The following PCNP variants were observed in gnomAD, a reference collection of about 807,000 sequenced individuals.
The protein encoded by PCNP is PEST proteolytic signal containing nuclear protein, also known as PEST proteolytic signal-containing nuclear protein.
In PCNP, 6 loss-of-function variants were observed where a neutral mutation model predicts 21.8. The observed-to-expected ratio is 0.28, with a 90% CI of 0.15 to 0.54. The LOEUF is 0.54. Ranked by LOEUF, PCNP falls within the 20% of genes least tolerant of loss-of-function variation. The pLI, the probability that PCNP is intolerant of heterozygous loss-of-function variation, is 0.95. For synonymous variants in PCNP, 67 were observed against 73.2 expected (o/e 0.92, Z 0.43); for missense variants, 161 against 215.5 (o/e 0.75, Z 1.58).
chr3:101,577,513 C>T (rs1477284142), intron 1 of PCNP, among the ~76,000 whole-genome samples: 1 of 152,130 alleles, frequency 6.6e-6, no homozygotes, highest in Non-Finnish European at 1.5e-5. Flanking sequence ...CTTAAACTTT[C>T]TTATTAGGTA....
intron 1 of PCNP, 21 bp from the exon 2 acceptor site, chr3:101,579,769 A>G: frequency 6.4e-7 from 1 of 1,552,832 alleles, no homozygotes; most frequent in East Asian, 2.2e-5. Context: ...TCATCTTGGT[A>G]AGTTGTTTCG....
chr3:101,591,607 A>G (rs762172571), intron 4 of PCNP, among the ~76,000 whole-genome samples: 5 of 152,192 alleles, frequency 3.3e-5, no homozygotes, highest in Non-Finnish European at 7.4e-5. Context: ...GCAGAAGTTC[A>G]TAAAATGACA....
At chr3:101,581,454 T>G (rs1455500623) in intron 2 of PCNP, among the ~76,000 whole-genome samples, 1 of 151,944 alleles carries the variant, frequency 6.6e-6, no homozygotes, top group African/African-American at 2.4e-5. Flanking sequence ...TTTTTGGAGA[T>G]GGAGTCTCTC....
Position 101,576,703 on chromosome 3 carries a change from C to T in PCNP, c.64+2424C>T, listed in dbSNP as rs1035219956. The T allele has an allele frequency of 3.7e-6, 6 of 1,612,102 alleles. No homozygotes were observed. The African/African-American group carries it at 8.0e-5, about 22-fold the overall frequency. On this transcript the variant is annotated intron_variant, in intron 1 of 4. Coordinates refer to ENST00000265260, the MANE Select transcript of PCNP (RefSeq NM_020357.3). ...TACATCCTTCTGTCTGTTCAAGAAC[C>T]AGTCTGGGATCTTGTACTGGCGTGG... is the stretch of plus-strand genomic sequence containing the variant.
intron 1 of PCNP, chr3:101,576,761 C>G: frequency 6.2e-7 from 1 of 1,611,802 alleles, no homozygotes; most frequent in Non-Finnish European, 8.5e-7. Flanking sequence ...CGTTCCACCT[C>G]ATCATCAGTG....
At chr3:101,592,593 A>C (rs1474141571) in intron 4 of PCNP, 34 bp from the exon 5 acceptor site, 11 of 1,553,656 alleles carry the variant, frequency 7.1e-6, no homozygotes, top group Non-Finnish European at 9.6e-6. Flanking sequence ...GCTTTATATA[A>C]CATTTTAAAT....
At chr3:101,578,733 G>A (rs1370327390) in intron 1 of PCNP, among the ~76,000 whole-genome samples, 1 of 151,954 alleles carries the variant, frequency 6.6e-6, no homozygotes, top group African/African-American at 2.4e-5. Context: ...GTCTGTGTTC[G>A]ACTTTTTTTC....
In PCNP at chr3:101,577,068, G is replaced by A. The variant is rs964596448; in HGVS notation, c.65-2722G>A. The A allele has an allele frequency of 1.6e-4, 108 of 664,820 alleles. No homozygotes were observed. The Middle Eastern group carries it at 5.4e-3, about 34-fold the overall frequency. 41.2% of individuals were successfully genotyped at this position (664,820 alleles called of 1,614,324 possible). On this transcript the variant is annotated intron_variant, in intron 1 of 4. Transcript: ENST00000265260. ...TCTCAATCTCTTGACCTCGTGATCCGCCCGCCTCGGCCTCCCGAAGTGCTG... is the reference window on the plus strand; with the variant it reads ...TCTCAATCTCTTGACCTCGTGATCCACCCGCCTCGGCCTCCCGAAGTGCTG...
chr3:101,587,432 T>C (rs1172241673), intron 3 of PCNP, among the ~76,000 whole-genome samples: 1 of 152,040 alleles, frequency 6.6e-6, no homozygotes, highest in Non-Finnish European at 1.5e-5. Context: ...CATCAGTGTA[T>C]TCTCTCTTGG....
chr3:101,581,445 T>G (rs1027374767), intron 2 of PCNP, among the ~76,000 whole-genome samples: 3 of 151,964 alleles, frequency 2.0e-5, no homozygotes, highest in African/African-American at 7.2e-5. Context: ...TTTATTTATT[T>G]TTTGGAGATG....
At chr3:101,581,263 C>T (rs974446703) in intron 2 of PCNP, among the ~76,000 whole-genome samples, 10 of 151,940 alleles carry the variant, frequency 6.6e-5, no homozygotes, top group African/African-American at 2.4e-4. Flanking sequence ...TTGTATAGAC[C>T]TAACTGCATA....
At chr3:101,587,619 A>G (rs1395543061) in intron 3 of PCNP, among the ~76,000 whole-genome samples, 2 of 151,104 alleles carry the variant, frequency 1.3e-5, no homozygotes, top group Admixed American at 6.7e-5. Flanking sequence ...AAATTGAGAG[A>G]AGGAGTAAAG....
At position 101,574,259 on chromosome 3, in the gene PCNP, A is replaced by G; in HGVS notation, c.44A>G (p.Gln15Arg). 6.5e-7 allele frequency: 1 copy of G among 1,546,254 alleles called. No individual in the cohort carries two copies. The highest frequency in any genetic ancestry group is 2.5e-5 in the East Asian group (1 of 40,402). Residue 15 changes from glutamine to arginine, a missense_variant, in exon 1 of 5, where the codon CAG becomes CGG. Around this residue, in one of 4 missense-constraint regions of PCNP, gnomAD observed 43 missense variants for 26.6 expected, o/e 1.62. Transcript: ENST00000265260. ...GGAGACGAGAAGCCTGAAAAGTCGC[A>G]GCGAGCTGGAGCCGCCGGAGGTGAA... Reference protein sequence around the residue: ...KAGDEKPEKSQRAGAAGGPEE... With the variant: ...KAGDEKPEKSRRAGAAGGPEE...
chr3:101,580,674 A>G (rs1327492360), intron 2 of PCNP, among the ~76,000 whole-genome samples: 9 of 152,168 alleles, frequency 5.9e-5, no homozygotes, highest in Non-Finnish European at 1.3e-4. Context: ...ACAGGTCAAT[A>G]TTTGATCCTT....
At chr3:101,574,103 C>G (rs1348383304), upstream of PCNP, 2 of 1,439,826 alleles carry the variant, frequency 1.4e-6, no homozygotes, top group Non-Finnish European at 1.8e-6. Flanking sequence ...TCTTTTCATT[C>G]CTCGGGACCG....
chr3:101,574,309 G>C (rs1248490649), intron 1 of PCNP, 30 bp downstream of exon 1: 11 of 1,525,452 alleles, frequency 7.2e-6, no homozygotes, highest in Non-Finnish European at 8.9e-6. Context: ...CGTGGGCAGC[G>C]TGGGATGCTC....
chr3:101,581,972 T>C (rs1484702428), intron 2 of PCNP, among the ~76,000 whole-genome samples: 1 of 151,820 alleles, frequency 6.6e-6, no homozygotes, highest in Non-Finnish European at 1.5e-5. Context: ...ACTCCCGACC[T>C]CAGGTGATCT....
chr3:101,577,232 T>C (rs1559956329), intron 1 of PCNP, among the ~76,000 whole-genome samples: 1 of 152,214 alleles, frequency 6.6e-6, no homozygotes, highest in Non-Finnish European at 1.5e-5. Context: ...TAAATCTTTG[T>C]AGCTGTTTGA....
chr3:101,578,416 C>G (rs1272610784), intron 1 of PCNP, among the ~76,000 whole-genome samples: 1 of 152,146 alleles, frequency 6.6e-6, no homozygotes, highest in Non-Finnish European at 1.5e-5. Flanking sequence ...AATCTTGATT[C>G]TTTAATTCTT....
Sources: allele counts gnomAD v4.1 joint callset (sites outside exome capture counted in the v4.1 genomes callset), GRCh38; gene constraint gnomAD v4.1.1; regional missense constraint gnomAD v4.1.1; transcripts MANE v1.5; gene names NCBI Gene and HGNC (gene_info 2026-07-23, HGNC 2026-07-21).